The following ITGA10 variants were observed in gnomAD, a reference collection of about 807,000 sequenced individuals.
ITGA10 encodes the protein integrin alpha-10.
In ITGA10, 105 loss-of-function variants were observed where a neutral mutation model predicts 145.2. That is an observed-to-expected ratio of 0.72 (90% confidence interval 0.62 to 0.85). ITGA10 has a LOEUF of 0.85. Ranked by LOEUF, ITGA10 falls within the 40% of genes least tolerant of loss-of-function variation. The pLI, the probability that ITGA10 is intolerant of heterozygous loss-of-function variation, is 0.00. For synonymous variants in ITGA10, 506 were observed against 557.8 expected, an observed-to-expected ratio of 0.91 and a Z score of 1.31; for missense variants, 1,317 against 1,444.5, an observed-to-expected ratio of 0.91 and a Z score of 1.43.
intron 1 of ITGA10, among the ~76,000 whole-genome samples, chr1:145,907,870 AC>A (rs1470507091): frequency 4.3e-5 from 6 of 138,096 alleles, no homozygotes; most frequent in Admixed American, 4.3e-4. Flanking sequence ...CCCTGGGTTC[AC>A]GCCATTCTCC....
chr1:145,896,414 T>C, intron 23 of ITGA10, 62 bp from the exon 24 acceptor site: 3 of 1,226,848 alleles, frequency 2.4e-6, no homozygotes, highest in Admixed American at 3.4e-5. Context: ...CAGGGGCACA[T>C]GATCAGCACA....
chr1:145,907,341 G>C lies in ITGA10; in HGVS notation c.164+13C>G. ...GCAGTCCCAATCCCCTGGCACTCCG[G>C]TTTCTTCCTCACCATCGCTGTCCAC... On this transcript the variant is annotated intron_variant, in intron 2 of 29. Coordinates refer to ENST00000369304, the MANE Select transcript of ITGA10 (RefSeq NM_003637.5). 6.2e-7 allele frequency: 1 copy of C among 1,614,100 alleles called. No homozygotes were observed. The highest frequency in any genetic ancestry group is 8.5e-7 in the Non-Finnish European group (1 of 1,180,010).
Position 145,901,031 on chromosome 1 carries a change from A to T in ITGA10, c.1588-38T>A. On this transcript the variant is annotated intron_variant, in intron 13 of 29. Coordinates refer to ENST00000369304, the MANE Select transcript of ITGA10 (RefSeq NM_003637.5). This position sits in a 1 kb window ranked among gnomAD's most constrained non-coding sequence, Gnocchi z 4.3. ...AGAAGATAGAAGATGCTAATCTGGC[A>T]GACCCAACCTCTCAGCAAACCCTCA... 6.2e-7 allele frequency: 1 copy of T among 1,613,364 alleles called. No individual in the cohort carries two copies.
intron 5 of ITGA10, 93 bp downstream of exon 5, chr1:145,906,301 G>T: frequency 1.1e-6 from 1 of 894,512 alleles, no homozygotes; most frequent in Non-Finnish European, 1.8e-6. Flanking sequence ...AGCCATGCAG[G>T]CCCTTTGCCA....
chr1:145,901,871 G>C lies in ITGA10; in HGVS notation c.1294+6C>G, dbSNP rs782414488. 1.2e-6 allele frequency: 2 copies of C among 1,614,000 alleles called. No individual in the cohort carries two copies. Among genetic ancestry groups the C allele is most frequent in the Admixed American group, 3.3e-5 (2 of 60,012 alleles). On this transcript the variant is annotated splice_donor_region_variant and intron_variant, in intron 11 of 29. Transcript: ENST00000369304. The surrounding 1 kb of genome is among the most constrained non-coding windows in gnomAD (Gnocchi z 4.3). ...TGTAAGTCCTCTGCAACTCTCTGCT[G>C]CTCACCCAGGTAGGCTGCATGGTTC... is the stretch of plus-strand genomic sequence containing the variant.
intron 8 of ITGA10, 70 bp downstream of exon 8, chr1:145,902,741 C>T: frequency 6.4e-7 from 1 of 1,557,972 alleles, no homozygotes; most frequent in South Asian, 1.2e-5. Context: ...GTTCCCAGTC[C>T]TTGGACAGTT....
At chr1:145,909,431 T>TTAC (rs1657553383) in intron 1 of ITGA10, among the ~76,000 whole-genome samples, 1 of 143,162 alleles carries the variant, frequency 7.0e-6, no homozygotes, top group African/African-American at 2.6e-5. Context: ...ATAATTATTA[T>TTAC]ATACAATATA....
In ITGA10 at chr1:145,896,820, G is replaced by A. The variant is rs781827519; in HGVS notation, c.2783C>T (p.Thr928Ile). 19 of 1,614,078 alleles carry A rather than the reference G, an allele frequency of 1.2e-5. No homozygotes were observed. The highest frequency in any genetic ancestry group is 3.3e-4 in the Middle Eastern group (2 of 6,062). ...TTGGATGTAGGCTGAGGTCTGGGCTGTGTTATCTTGAAGGGTCCCATTTCT... is the reference window on the plus strand; with the variant it reads ...TTGGATGTAGGCTGAGGTCTGGGCTATGTTATCTTGAAGGGTCCCATTTCT... ...LERNGTLQDN[T>I]AQTSAYIQYE... The change falls in exon 23 of 30, where the codon ACA (threonine) becomes ATA (isoleucine). Residue 928 changes from threonine to isoleucine, a missense_variant. Physicochemically the swap from Thr to Ile is moderately conservative, Grantham distance 89. Transcript: ENST00000369304.
At chr1:145,898,796 T>A (rs1655811351) in intron 17 of ITGA10, 140 bp downstream of exon 17, 1 of 1,020,008 alleles carries the variant, frequency 9.8e-7, no homozygotes, top group Non-Finnish European at 1.4e-6. Context: ...CAAACCCAGA[T>A]CAGCCCTGAC....
At position 145,902,455 on chromosome 1, in the gene ITGA10, T is replaced by C. The variant is rs782714360; in HGVS notation, c.1074A>G (p.Glu358=). The part of the protein sequence containing the change: ...DALGDRIFGL[E]GSHAENESSF... The stretch of plus-strand genomic sequence containing the variant: ...CCATTTCTCCAGAGTAATCCTCACC[T>C]TCAAGGCCAAAAATCCGATCTCCTA... Residue 358 remains glutamate, a splice_region_variant and synonymous_variant, in exon 9 of 30, where the codon GAA becomes GAG. Coordinates refer to ENST00000369304, the MANE Select transcript of ITGA10 (RefSeq NM_003637.5). 1.6e-5 allele frequency: 25 copies of C among 1,610,376 alleles called. No homozygotes were observed. The highest frequency in any genetic ancestry group is 1.9e-5 in the Non-Finnish European group (22 of 1,178,194).
intron 18 of ITGA10, 92 bp downstream of exon 18, chr1:145,898,018 T>C: frequency 7.7e-7 from 1 of 1,296,412 alleles, no homozygotes; most frequent in Non-Finnish European, 1.1e-6. Context: ...CCAGGTCAGA[T>C]TTCACCATGA....
In ITGA10 at chr1:145,893,298, T is replaced by C. The variant is rs782291306; in HGVS notation, c.3325-24A>G. 7.9e-6 allele frequency: 12 copies of C among 1,520,536 alleles called. No homozygotes were observed. The South Asian group carries it at 1.3e-4, about 17-fold the overall frequency. 94.2% of individuals were successfully genotyped at this position (1,520,536 alleles called of 1,614,324 possible). ...CTCTGCGTGGACAGAAGAGTAGTTT[T>C]CTACATGCATCCTATAACCCAGCTA... On this transcript the variant is annotated intron_variant, in intron 28 of 29. Coordinates refer to ENST00000369304, the MANE Select transcript of ITGA10 (RefSeq NM_003637.5).
At chr1:145,908,253 C>T (rs908250536) in intron 1 of ITGA10, among the ~76,000 whole-genome samples, 9 of 152,174 alleles carry the variant, frequency 5.9e-5, no homozygotes, top group Non-Finnish European at 1.2e-4. Context: ...CTCTTCCTGA[C>T]TTCCAGTGTC....
rs1478186749 is a variant in ITGA10 at position 145,902,315 on chromosome 1, G to A, written c.1080C>T (p.Ser360=). 1 of 1,613,844 alleles carries A rather than the reference G, an allele frequency of 6.2e-7. No individual in the cohort carries two copies. The highest frequency in any genetic ancestry group is 1.3e-5 in the African/African-American group (1 of 74,864). ...LGDRIFGLEG[S]HAENESSFGL... ...CAAAGGAGCTTTCGTTTTCTGCATGGGACCCTTGGTCATGAGAAAACATTG... is the reference window on the plus strand; with the variant it reads ...CAAAGGAGCTTTCGTTTTCTGCATGAGACCCTTGGTCATGAGAAAACATTG... Residue 360 remains serine (S), a synonymous_variant, in exon 10 of 30, where the codon TCC becomes TCT. Coordinates refer to ENST00000369304, the MANE Select transcript of ITGA10 (RefSeq NM_003637.5).
In ITGA10 at chr1:145,901,527, G is replaced by A; in HGVS notation, c.1432C>T (p.Gln478Ter). The A allele has an allele frequency of 6.3e-7, 1 of 1,576,984 alleles. No homozygotes were observed. Among genetic ancestry groups the A allele is most frequent in the Non-Finnish European group, 8.6e-7 (1 of 1,164,644 alleles). The change falls in exon 12 of 30, where the codon CAG becomes TAG. Residue 478 changes from glutamine (Q) to a stop codon, truncating the protein, a stop_gained. Coordinates refer to ENST00000369304, the MANE Select transcript of ITGA10 (RefSeq NM_003637.5). LOFTEE classifies it high-confidence loss of function. The surrounding 1 kb of genome is among the most constrained non-coding windows in gnomAD (Gnocchi z 4.3). ...CTTGGATGCCCTACCTGCTCCCCCTGGAGGCTCTGGGCAACCCTCACAGCC... is the reference window on the plus strand; with the variant it reads ...CTTGGATGCCCTACCTGCTCCCCCTAGAGGCTCTGGGCAACCCTCACAGCC... ...DGAVRVAQSLQGEQIGSYFGS... is the reference protein window; with the variant it reads ...DGAVRVAQSL
intron 4 of ITGA10, 62 bp downstream of exon 4, chr1:145,906,671 C>A (rs1357625369): frequency 2.1e-6 from 3 of 1,423,910 alleles, no homozygotes; most frequent in Non-Finnish European, 3.0e-6. Context: ...TCCCTTACCA[C>A]ACTTCTCTTT....
chr1:145,900,660 T>C, intron 14 of ITGA10, 130 bp downstream of exon 14: 1 of 902,814 alleles, frequency 1.1e-6, no homozygotes, highest in South Asian at 1.6e-5. Context: ...CACTGCCTTA[T>C]GTTTTTGCCT....
chr1:145,903,920 C>G (rs1471445190), intron 7 of ITGA10, 132 bp downstream of exon 7: 4 of 945,442 alleles, frequency 4.2e-6, no homozygotes, highest in Non-Finnish European at 6.5e-6. Context: ...AACTCCTGAC[C>G]TCAGGTGATC....
chr1:145,909,152 T>G (rs1553752370), intron 1 of ITGA10, among the ~76,000 whole-genome samples: 1 of 150,834 alleles, frequency 6.6e-6, no homozygotes, highest in Non-Finnish European at 1.5e-5. Flanking sequence ...AAAAAAAAAT[T>G]AGCCAGGCGT....
Sources: allele counts gnomAD v4.1 joint callset (sites outside exome capture counted in the v4.1 genomes callset), GRCh38; gene constraint gnomAD v4.1.1; non-coding constraint Gnocchi (gnomAD v3.1); transcripts MANE v1.5; gene names NCBI Gene and HGNC (gene_info 2026-07-23, HGNC 2026-07-21).